WDR90: variants seen among roughly 807,000 people sequenced by gnomAD.
WDR90 encodes the protein WD repeat-containing protein 90.
WDR90 carries 238 observed loss-of-function variants against 195.2 expected under a neutral mutation model. The ratio of observed to expected loss-of-function variants is 1.22; its 90% CI spans 1.10 to 1.36. The LOEUF (loss-of-function observed/expected upper bound fraction) is 1.36. Among genes scored for constraint, WDR90 ranks in the 40% most tolerant of loss-of-function variants. The pLI, the probability that WDR90 is intolerant of heterozygous loss-of-function variation, is 0.00. For synonymous variants in WDR90, 1,265 were observed against 1,052.4 expected (o/e 1.20, Z -3.91); for missense variants, 2,734 against 2,439.5 (o/e 1.12, Z -2.54).
chr16:660,942 G>GCCCCCTGTTCGGCCCCTCCCCCGGCCC, intron 28 of WDR90, 109 bp from the exon 29 acceptor site: 1 of 318,670 alleles, frequency 3.1e-6, no homozygotes, highest in Admixed American at 2.1e-4. Flanking sequence ...CCTTGGCCCC[G>GCCCCCTGTTCGGCCCCTCCCCCGGCCC]CCCCACGGCT....
intron 34 of WDR90, among the ~76,000 whole-genome samples, chr16:664,015 T>G (rs1011521038): frequency 1.3e-5 from 2 of 152,152 alleles, no homozygotes; most frequent in African/African-American, 2.4e-5. Context: ...TAGAAACCTG[T>G]CTTTAGTATT....
At chr16:664,843 C>G (rs1280705566) in intron 34 of WDR90, 1 of 152,186 alleles carries the variant, frequency 6.6e-6, no homozygotes, top group Non-Finnish European at 1.5e-5. Context: ...CCACGCCCGA[C>G]TAATTTTTTG....
chr16:652,583 G>C (rs372077677), intron 10 of WDR90, 48 bp downstream of exon 10: 22 of 1,558,660 alleles, frequency 1.4e-5, no homozygotes, highest in Non-Finnish European at 1.9e-5. Flanking sequence ...TGGCCGGCTC[G>C]AGCGCTGAGT....
At position 650,269 on chromosome 16, in the gene WDR90, CGT is replaced by C; in HGVS notation, c.300_301del (p.Ser101PhefsTer9). 6.2e-7 allele frequency: 1 copy of C among 1,612,954 alleles called. No homozygotes were observed. The highest frequency in any genetic ancestry group is 2.2e-5 in the East Asian group (1 of 44,870). On this transcript the variant is annotated frameshift_variant, in exon 4 of 41. Transcript: ENST00000293879. LOFTEE classifies it high-confidence loss of function. ...DVSSKDNQVIRVSFSNLFKEF... is the reference protein window; with the variant it reads ...DVSSKDNQVIXVSFSNLFKEF... ...GTCCCCACAGGACAACCAAGTCATC[CGT>C]GTGTCTTTCTCCAACCTCTTCAAGG...
chr16:665,892 G>C, intron 35 of WDR90, 58 bp from the exon 36 acceptor site: 1 of 1,558,590 alleles, frequency 6.4e-7, no homozygotes, highest in Non-Finnish European at 8.7e-7. Flanking sequence ...CCTCTGGCCT[G>C]GGTGTGTGTC....
At position 656,747 on chromosome 16, in the gene WDR90, T is replaced by C. The variant is rs1241290377; in HGVS notation, c.2218T>C (p.Ser740Pro). ...TGTCCCACAGCTATACGACTTCACA[T>C]CATCAGAGGACGCCCCGTGCGCTGT... ...ATLQQLYDFT[S>P]SEDAPCAVTF... Residue 740 changes from serine (S) to proline (P), a missense_variant, in exon 19 of 41, where the codon TCA becomes CCA. By Grantham distance (74) the Ser-to-Pro change is moderately conservative (BLOSUM62 -1). Coordinates refer to ENST00000293879, the MANE Select transcript of WDR90 (RefSeq NM_145294.5). 1.2e-6 allele frequency: 2 copies of C among 1,613,062 alleles called. No individual in the cohort carries two copies. Among genetic ancestry groups the C allele is most frequent in the Non-Finnish European group, 1.7e-6 (2 of 1,179,896 alleles).
chr16:649,601 C>T (rs2037596489), intron 1 of WDR90, 162 bp from the exon 2 acceptor site: 8 of 1,137,188 alleles, frequency 7.0e-6, no homozygotes, highest in Non-Finnish European at 9.1e-6. Flanking sequence ...TGGCTTCCCT[C>T]GGGCGCCCGG....
chr16:659,253 G>A lies in WDR90; in HGVS notation c.3061G>A (p.Ala1021Thr), dbSNP rs200721951. The A allele has an allele frequency of 1.0e-4, 161 of 1,611,276 alleles. 1 individual carries two copies. In the Admixed American group the frequency reaches 2.0e-3, roughly 20 times the overall value. ...APPACKTGPGAGPLEDAASRA... is the reference protein window; with the variant it reads ...APPACKTGPGTGPLEDAASRA... ...GGCTGCTTCTTCCCCAGGCCCGGGC[G>A]CAGGACCGCTGGAGGACGCAGCGTC... The change falls in exon 26 of 41, where the codon GCA (alanine) becomes ACA (threonine). Residue 1021 changes from alanine to threonine, a missense_variant. Transcript: ENST00000293879.
In WDR90 at chr16:655,474, TC is replaced by T; in HGVS notation, c.1718+9del. 2.0e-6 allele frequency: 3 copies of T among 1,525,490 alleles called. No homozygotes were observed. Among genetic ancestry groups the T allele is most frequent in the Non-Finnish European group, 2.6e-6 (3 of 1,136,670 alleles). The allele number at this position is 1,525,490 out of a possible 1,614,324, so 94.5% of individuals were successfully genotyped here. A position where few individuals can be genotyped will look rare whatever the true frequency, so the allele number is the denominator to read the frequency against. On this transcript the variant is annotated splice_region_variant and intron_variant, in intron 15 of 40. Coordinates refer to ENST00000293879, the MANE Select transcript of WDR90 (RefSeq NM_145294.5). ...GAGCCCTCGGCTGCCATGCTGTGAG[TC>T]CCTGCCCTTCCCCACGGCCTGCCCC...
At chr16:661,549 G>T (rs908834534) in intron 30 of WDR90, 48 bp downstream of exon 30, 3 of 1,580,454 alleles carry the variant, frequency 1.9e-6, no homozygotes, top group Non-Finnish European at 2.6e-6. Context: ...AGACCCCGGG[G>T]GGGGCTGCAT....
intron 4 of WDR90, 84 bp from the exon 5 acceptor site, chr16:650,455 A>G: frequency 6.3e-7 from 1 of 1,588,592 alleles, no homozygotes. Flanking sequence ...CTGGAGGACA[A>G]CCTGGCGGGG....
Position 662,222 on chromosome 16 carries a change from C to G in WDR90, c.4036C>G (p.Leu1346Val). Residue 1346 changes from leucine (L) to valine (V), a missense_variant and splice_region_variant, in exon 33 of 41, where the codon CTG (leucine) becomes GTG (valine). Transcript: ENST00000293879. ...CTTATGGCTCCTCCTGCCCCTAGGG[C>G]TGTTGCTGTTCTCGGGTTCTCGATT... ...SWEADDGGIG[L>V]LLFSGSRLVS... is the part of the protein sequence containing the mutation. The G allele has an allele frequency of 6.4e-7, 1 of 1,564,244 alleles. No individual in the cohort carries two copies. Among genetic ancestry groups the G allele is most frequent in the Non-Finnish European group, 8.7e-7 (1 of 1,155,726 alleles).
rs1358462819 is a variant in WDR90 at position 658,332 on chromosome 16, C to T, written c.2754C>T (p.Arg918=). Residue 918 remains arginine (R), a synonymous_variant, in exon 22 of 41, where the codon CGC becomes CGT. Coordinates refer to ENST00000293879, the MANE Select transcript of WDR90 (RefSeq NM_145294.5). The stretch of plus-strand genomic sequence containing the variant: ...TGGTGCTGGATGCTGTGTCGGGCCG[C>T]ATCATCCGGGAGGTGAGCCTCAGGG... ...RVVVLDAVSG[R]IIRELPGVHP... 1 of 1,612,410 alleles carries T rather than the reference C, an allele frequency of 6.2e-7. No homozygotes were observed.
rs1357934146 is a variant in WDR90, at chr16:657,797, A to T, written c.2509A>T (p.Ser837Cys). 26 of 1,554,736 alleles carry T rather than the reference A, an allele frequency of 1.7e-5. No individual in the cohort carries two copies. Among genetic ancestry groups the T allele is most frequent in the Non-Finnish European group, 2.2e-5 (25 of 1,149,606 alleles). The change falls in exon 21 of 41, where the codon AGC (serine) becomes TGC (cysteine). Residue 837 changes from serine to cysteine, a missense_variant. Transcript: ENST00000293879. Reference sequence around the variant, plus strand: ...ATGCCCGGATGCCCCCGCGAGCCCCAGCGCCCTGGCAGTCAGCAGGGATGG... The same window carrying T: ...ATGCCCGGATGCCCCCGCGAGCCCCTGCGCCCTGGCAGTCAGCAGGGATGG... ...MVCPDAPASP[S>C]ALAVSRDGRL...
chr16:661,759 A>G lies in WDR90; in HGVS notation c.3836A>G (p.Gln1279Arg), dbSNP rs181961248. Residue 1279 changes from glutamine (Q) to arginine (R), a missense_variant, in exon 31 of 41, where the codon CAG (glutamine) becomes CGG (arginine). Physicochemically the swap from Gln to Arg is conservative, Grantham distance 43. Transcript: ENST00000293879. ...GGCACTGTCACCTTCTGGCTCCTTC[A>G]GCAGCGTGGGGCAGACATCAGCCTT... Reference protein sequence around the residue: ...GQGTVTFWLLQQRGADISLQV... With the variant: ...GQGTVTFWLLRQRGADISLQV... 1.8e-4 allele frequency: 286 copies of G among 1,607,908 alleles called. 3 individuals are homozygous for G. The Admixed American group carries it at 3.4e-3, about 19-fold the overall frequency.
chr16:653,471 G>A lies in WDR90; in HGVS notation c.1233+20G>A. The stretch of plus-strand genomic sequence containing the variant: ...GACAAGGTGGGTGCTGCCCGGGCCT[G>A]GGGCAGCTCACACCTGCAGCCCCTA... On this transcript the variant is annotated intron_variant, in intron 11 of 40. Transcript: ENST00000293879. 1.2e-6 allele frequency: 2 copies of A among 1,612,368 alleles called. No individual in the cohort carries two copies. Among genetic ancestry groups the A allele is most frequent in the Non-Finnish European group, 1.7e-6 (2 of 1,179,510 alleles).
intron 40 of WDR90, 56 bp from the exon 41 acceptor site, chr16:667,376 G>T: frequency 6.5e-7 from 1 of 1,547,434 alleles, no homozygotes; most frequent in Non-Finnish European, 8.7e-7. Context: ...GGTTGGGGGA[G>T]CCCTCTGAGT....
rs564368778 is a variant in WDR90 at position 659,694 on chromosome 16, C to T, written c.3184+318C>T. Among the ~76,000 whole-genome samples, 71 of 152,328 alleles carry T rather than the reference C, an allele frequency of 4.7e-4. 1 individual carries two copies. In the South Asian group the frequency reaches 0.014, roughly 31 times the overall value. On this transcript the variant is annotated intron_variant, in intron 26 of 40. Coordinates refer to ENST00000293879, the MANE Select transcript of WDR90 (RefSeq NM_145294.5). ...GGGGCTTGGGCAGGCCTCAGGCCCACCTGTGCTCACGGAGGAGGAGGCTGG... is the reference window on the plus strand; with the variant it reads ...GGGGCTTGGGCAGGCCTCAGGCCCATCTGTGCTCACGGAGGAGGAGGCTGG...
At chr16:656,985 GC>G in intron 19 of WDR90, 105 bp from the exon 20 acceptor site, 1 of 1,553,396 alleles carries the variant, frequency 6.4e-7, no homozygotes, top group Non-Finnish European at 8.7e-7. Context: ...ACCCTTTGCT[GC>G]CCCATGGGGA....
Sources: allele counts gnomAD v4.1 joint callset (sites outside exome capture counted in the v4.1 genomes callset), GRCh38; gene constraint gnomAD v4.1.1; transcripts MANE v1.5; gene names NCBI Gene and HGNC (gene_info 2026-07-23, HGNC 2026-07-21).